Variants in CHCHD3 observed in about 807,000 individuals in gnomAD.
CHCHD3 encodes the protein MICOS complex subunit MIC19.
CHCHD3 carries 20 observed loss-of-function variants against 38.2 expected under a neutral mutation model. The ratio of observed to expected loss-of-function variants is 0.52; its 90% CI spans 0.37 to 0.76. CHCHD3 has a LOEUF of 0.76. Ranked by LOEUF, CHCHD3 falls within the 30% of genes least tolerant of loss-of-function variation. CHCHD3 has a pLI of 0.00. For synonymous variants in CHCHD3, 82 were observed against 100.0 expected (o/e 0.82, Z 1.07); for missense variants, 245 against 279.2 (o/e 0.88, Z 0.87).
intron 3 of CHCHD3, among the ~76,000 whole-genome samples, chr7:132,979,285 T>C (rs959067180): frequency 2.0e-5 from 3 of 152,202 alleles, no homozygotes; most frequent in Non-Finnish European, 2.9e-5. Flanking sequence ...GATGGGCACA[T>C]ATACTTCTAC....
chr7:132,807,861 T>C (rs1270367494), intron 6 of CHCHD3, among the ~76,000 whole-genome samples: 2 of 151,878 alleles, frequency 1.3e-5, no homozygotes. Flanking sequence ...TGTTCAAAAA[T>C]ATACGGCATT....
intron 5 of CHCHD3, among the ~76,000 whole-genome samples, chr7:132,864,753 C>T (rs1371407947): frequency 4.6e-5 from 7 of 151,950 alleles, no homozygotes; most frequent in African/African-American, 7.3e-5. Context: ...CTTTCCATGC[C>T]GAGATATGTA....
intron 7 of CHCHD3, among the ~76,000 whole-genome samples, chr7:132,787,780 A>G (rs1228395768): frequency 1.3e-5 from 2 of 152,220 alleles, no homozygotes; most frequent in African/African-American, 2.4e-5. Flanking sequence ...TAAGAAGTCT[A>G]TGTCATAGGG....
chr7:132,989,009 T>C (rs1812199537), intron 3 of CHCHD3, among the ~76,000 whole-genome samples: 2 of 152,230 alleles, frequency 1.3e-5, no homozygotes, highest in Non-Finnish European at 2.9e-5. Context: ...TACATAGTGC[T>C]TACATTGTAT....
chr7:132,832,279 A>G (rs1026037994), intron 6 of CHCHD3, among the ~76,000 whole-genome samples: 3 of 152,156 alleles, frequency 2.0e-5, no homozygotes, highest in Admixed American at 1.3e-4. Context: ...GCCTAAATTT[A>G]TAAGTCAGGT....
chr7:132,876,545 G>C (rs1195039530), intron 5 of CHCHD3, among the ~76,000 whole-genome samples: 2 of 152,122 alleles, frequency 1.3e-5, no homozygotes, highest in African/African-American at 2.4e-5. Flanking sequence ...CCTTTCAAAA[G>C]GTAAAGGAAA....
At position 132,813,919 on chromosome 7, in the gene CHCHD3, G is replaced by A. The variant is rs1585537548; in HGVS notation, c.525-17342C>T. Among the ~76,000 whole-genome samples, 6 of 152,262 alleles carry A rather than the reference G, an allele frequency of 3.9e-5. No homozygotes were observed. In the South Asian group the frequency reaches 6.2e-4, roughly 16 times the overall value. ...ACATATCTTTTCTTTCCCCAAGTAC[G>A]TGCTCACGGGGAGCAACAGTCCACC... is the stretch of plus-strand genomic sequence containing the variant. On this transcript the variant is annotated intron_variant, in intron 6 of 7. Coordinates refer to ENST00000262570, the MANE Select transcript of CHCHD3 (RefSeq NM_017812.4).
intron 4 of CHCHD3, among the ~76,000 whole-genome samples, chr7:132,967,657 A>G (rs1482588967): frequency 6.7e-6 from 1 of 150,080 alleles, no homozygotes; most frequent in Non-Finnish European, 1.5e-5. Context: ...AAATAAATAA[A>G]TAAATAAATA....
intron 4 of CHCHD3, among the ~76,000 whole-genome samples, chr7:132,966,329 A>T (rs1034337052): frequency 6.6e-6 from 1 of 152,230 alleles, no homozygotes; most frequent in African/African-American, 2.4e-5. Context: ...GTAAGGGAAT[A>T]GTTACAAGAT....
intron 3 of CHCHD3, among the ~76,000 whole-genome samples, chr7:132,989,041 T>C (rs1045336504): frequency 1.3e-5 from 2 of 152,224 alleles, no homozygotes; most frequent in African/African-American, 2.4e-5. Flanking sequence ...CTAGAGATGA[T>C]GTAAAGTATA....
intron 4 of CHCHD3, among the ~76,000 whole-genome samples, chr7:132,919,100 C>CTTTTTTTTTTTTTTTTTTTTT (rs5887600): frequency 1.4e-5 from 1 of 69,494 alleles, no homozygotes; most frequent in Non-Finnish European, 2.5e-5. Context: ...TGGGTTTATT[C>CTTTTTTTTTTTTTTTTTTTTT]TTTTTTTTTT....
At chr7:132,801,892 A>G (rs1209529212) in intron 6 of CHCHD3, among the ~76,000 whole-genome samples, 1 of 152,196 alleles carries the variant, frequency 6.6e-6, no homozygotes, top group Non-Finnish European at 1.5e-5. Context: ...AGTCAGATCT[A>G]CGTGGGGAAC....
chr7:132,907,674 G>T (rs1809830980), intron 4 of CHCHD3, among the ~76,000 whole-genome samples: 1 of 152,162 alleles, frequency 6.6e-6, no homozygotes, highest in Admixed American at 6.5e-5. Context: ...CCATGGGGGG[G>T]CCGCTAAAGG....
intron 4 of CHCHD3, among the ~76,000 whole-genome samples, chr7:132,915,571 T>C (rs1473644485): frequency 7.2e-5 from 11 of 152,218 alleles, no homozygotes; most frequent in Non-Finnish European, 1.6e-4. Context: ...CTCTTTGTTC[T>C]TGCACTTAGT....
intron 4 of CHCHD3, among the ~76,000 whole-genome samples, chr7:132,907,614 G>C (rs1809828776): frequency 6.6e-6 from 1 of 152,174 alleles, no homozygotes; most frequent in South Asian, 2.1e-4. Context: ...GTGAGAACTA[G>C]TCTGTAGGAA....
chr7:132,909,071 G>A (rs77283305), intron 4 of CHCHD3, among the ~76,000 whole-genome samples: 35,342 of 151,962 alleles, frequency 0.23, 5,033 homozygotes, highest in East Asian at 0.36. Flanking sequence ...CTTTTCCCCC[G>A]TTTGTTTGGC....
At chr7:132,865,737 C>A (rs1808605804) in intron 5 of CHCHD3, among the ~76,000 whole-genome samples, 1 of 152,018 alleles carries the variant, frequency 6.6e-6, no homozygotes, top group African/African-American at 2.4e-5. Flanking sequence ...CAAAGGCAGC[C>A]CCCGAGCTTC....
chr7:132,940,798 C>G (rs1431366682), intron 4 of CHCHD3, among the ~76,000 whole-genome samples: 1 of 152,112 alleles, frequency 6.6e-6, no homozygotes, highest in Non-Finnish European at 1.5e-5. Context: ...TAAAGCTAGG[C>G]ATGGGGCATC....
At chr7:133,056,711 C>T (rs1275057673) in intron 2 of CHCHD3, among the ~76,000 whole-genome samples, 3 of 152,066 alleles carry the variant, frequency 2.0e-5, no homozygotes, top group Non-Finnish European at 4.4e-5. Context: ...GAAGTTATGG[C>T]CCTGGATGCT....
Sources: allele counts gnomAD v4.1 joint callset (sites outside exome capture counted in the v4.1 genomes callset), GRCh38; gene constraint gnomAD v4.1.1; transcripts MANE v1.5; gene names NCBI Gene and HGNC (gene_info 2026-07-23, HGNC 2026-07-21).